The following EXOSC10 variants were observed in gnomAD, a reference collection of about 807,000 sequenced individuals.
EXOSC10 encodes exosome complex component 10.
EXOSC10 carries 94 observed loss-of-function variants against 126.6 expected under a neutral mutation model. The observed-to-expected ratio is 0.74, with a 90% CI of 0.63 to 0.88. EXOSC10 has a LOEUF of 0.88. Among genes scored for constraint, EXOSC10 ranks in the 40% least tolerant of loss-of-function variants. The pLI is 0.00. For missense variants in EXOSC10, 1,041 were observed against 1,100.5 expected (o/e 0.95, Z 0.77); for synonymous variants, 395 against 400.8 (o/e 0.99, Z 0.17).
chr1:11,085,550 A>G (rs1318713535), intron 9 of EXOSC10, among the ~76,000 whole-genome samples: 1 of 152,170 alleles, frequency 6.6e-6, no homozygotes, highest in Non-Finnish European at 1.5e-5. Context: ...TAGATATACA[A>G]TCATGTCATC....
At chr1:11,071,866 CCAA>C (rs33957776) in intron 20 of EXOSC10, 308,607 of 477,138 alleles carry the variant, frequency 0.65, 107,911 homozygotes, top group East Asian at 0.76. Flanking sequence ...TCTCCAACCA[CCAA>C]CGAGACAGCT....
rs1003800615 is a variant in EXOSC10, at chr1:11,082,615, C to G, written c.1280+73G>C. 39 of 1,582,490 alleles carry G rather than the reference C, an allele frequency of 2.5e-5. 1 individual carries two copies. The Admixed American group carries it at 6.5e-4, about 26-fold the overall frequency. ...AGCGTGGTAGGGCTCAAACCCAGGT[C>G]TCTCTGGACGACAGGTTAATGAATA... On this transcript the variant is annotated intron_variant, in intron 10 of 24. Coordinates refer to ENST00000376936, the MANE Select transcript of EXOSC10 (RefSeq NM_001001998.3).
Position 11,091,616 on chromosome 1 carries a change from C to T in EXOSC10, c.373-19G>A. On this transcript the variant is annotated intron_variant, in intron 3 of 24. Coordinates refer to ENST00000376936, the MANE Select transcript of EXOSC10 (RefSeq NM_001001998.3). Reference sequence around the variant, plus strand: ...AAATACCCTAAGAGTAGAAGAGGTACTGGTTAAGCATTTTTCCTTTTGAGG... The same window carrying T: ...AAATACCCTAAGAGTAGAAGAGGTATTGGTTAAGCATTTTTCCTTTTGAGG... 2 of 1,588,942 alleles carry T rather than the reference C, an allele frequency of 1.3e-6. No individual in the cohort carries two copies. Among genetic ancestry groups the T allele is most frequent in the Non-Finnish European group, 1.7e-6 (2 of 1,158,338 alleles).
chr1:11,083,743 C>T (rs1207944639), intron 9 of EXOSC10, among the ~76,000 whole-genome samples: 4 of 152,066 alleles, frequency 2.6e-5, no homozygotes, highest in Non-Finnish European at 5.9e-5. Flanking sequence ...CATCATCTAG[C>T]ATTAGGTATA....
At chr1:11,097,304 G>T (rs1641161934) in intron 2 of EXOSC10, among the ~76,000 whole-genome samples, 1 of 151,948 alleles carries the variant, frequency 6.6e-6, no homozygotes, top group African/African-American at 2.4e-5. Context: ...CTTGAACCTG[G>T]GAGGCGCAGG....
chr1:11,087,316 G>A lies in EXOSC10; in HGVS notation c.1089+132C>T. The A allele has an allele frequency of 9.3e-6, 10 of 1,077,364 alleles. No individual in the cohort carries two copies. In the South Asian group the frequency reaches 1.4e-4, roughly 16 times the overall value. 66.7% of individuals were successfully genotyped at this position (1,077,364 alleles called of 1,614,324 possible). A position where few individuals can be genotyped will look rare whatever the true frequency, so the allele number is the denominator to read the frequency against. On this transcript the variant is annotated intron_variant, in intron 9 of 24. Coordinates refer to ENST00000376936, the MANE Select transcript of EXOSC10 (RefSeq NM_001001998.3). ...TTAGAAACAAAAGCCATTTAGCACT[G>A]TACCCTAGTTAGGAAATGACATGAT...
At chr1:11,087,017 T>C (rs1248292378) in intron 9 of EXOSC10, among the ~76,000 whole-genome samples, 1 of 152,088 alleles carries the variant, frequency 6.6e-6, no homozygotes, top group South Asian at 2.1e-4. Context: ...TTCAAAAAAT[T>C]AATGAATCCA....
Position 11,098,120 on chromosome 1 carries a change from A to G in EXOSC10, c.148T>C (p.Ser50Pro). 2 of 1,612,604 alleles carry G rather than the reference A, an allele frequency of 1.2e-6. No homozygotes were observed. Among genetic ancestry groups the G allele is most frequent in the East Asian group, 2.2e-5 (1 of 44,836 alleles). The change falls in exon 2 of 25, where the codon TCT (serine) becomes CCT (proline). Residue 50 changes from serine to proline, a missense_variant. By Grantham distance (74) the Ser-to-Pro change is moderately conservative (BLOSUM62 -1). Transcript: ENST00000376936. ...LGSVVAVTKA[S>P]GGLPQFGDEY... ...TCGCCAAACTGTGGTAGGCCCCCAG[A>G]TGCCTTGGTGACTGCCACCACGGAC...
At chr1:11,084,213 A>C (rs1640359229) in intron 9 of EXOSC10, among the ~76,000 whole-genome samples, 1 of 152,240 alleles carries the variant, frequency 6.6e-6, no homozygotes, top group Non-Finnish European at 1.5e-5. Context: ...ACTGACTTCC[A>C]CAATGGTTGA....
At chr1:11,090,764 T>C in intron 5 of EXOSC10, 96 bp from the exon 6 acceptor site, 3 of 994,064 alleles carry the variant, frequency 3.0e-6, no homozygotes, top group Non-Finnish European at 4.4e-6. Flanking sequence ...TTTGGCTTTT[T>C]TTTTTGAGAC....
intron 9 of EXOSC10, among the ~76,000 whole-genome samples, chr1:11,083,416 G>C (rs947104317): frequency 2.6e-5 from 4 of 151,902 alleles, no homozygotes; most frequent in African/African-American, 9.7e-5. Context: ...ACAAAAATTA[G>C]CCGGGTGTGG....
rs926151318 is a variant in EXOSC10, at chr1:11,074,095, G to A, written c.2083-87C>T. 2.9e-5 allele frequency: 41 copies of A among 1,437,842 alleles called. No individual in the cohort carries two copies. In the Admixed American group the frequency reaches 6.1e-4, roughly 21 times the overall value. The allele number at this position is 1,437,842 out of a possible 1,614,324, so 89.1% of individuals were successfully genotyped here. On this transcript the variant is annotated intron_variant, in intron 18 of 24. Coordinates refer to ENST00000376936, the MANE Select transcript of EXOSC10 (RefSeq NM_001001998.3). The stretch of plus-strand genomic sequence containing the variant: ...GAAGCGCTCAGATGGGGGGTTGCTG[G>A]TGCCTTGTCAGCGTCTTTGCCAGGA...
At chr1:11,094,480 G>A (rs1640962510) in intron 3 of EXOSC10, among the ~76,000 whole-genome samples, 1 of 150,892 alleles carries the variant, frequency 6.6e-6, no homozygotes, top group East Asian at 2.0e-4. Flanking sequence ...ATTTTTAGTA[G>A]AGACAGTGTT....
rs1639542133 is a variant in EXOSC10 at position 11,072,169 on chromosome 1, G to C, written c.2160C>G (p.Ile720Met). ...KFDPSTKIYEISNRWKLAQVQ... is the reference protein window; with the variant it reads ...KFDPSTKIYEMSNRWKLAQVQ... ...CCTGGGCCAGCTTCCAGCGGTTGCT[G>C]ATCTATAATGAAAGCAAATATAACA... Residue 720 changes from isoleucine (I) to methionine (M), a missense_variant and splice_region_variant, in exon 20 of 25, where the codon ATC becomes ATG. Ile to Met is a conservative substitution (Grantham distance 10, BLOSUM62 1). Around this residue, in one of 3 missense-constraint regions of EXOSC10, gnomAD observed 388 missense variants for 415.2 expected, o/e 0.93. Coordinates refer to ENST00000376936, the MANE Select transcript of EXOSC10 (RefSeq NM_001001998.3). 3 of 1,606,956 alleles carry C rather than the reference G, an allele frequency of 1.9e-6. No homozygotes were observed. Among genetic ancestry groups the C allele is most frequent in the East Asian group, 2.2e-5 (1 of 44,840 alleles).
chr1:11,078,457 C>G (rs1639950652), intron 14 of EXOSC10, among the ~76,000 whole-genome samples: 1 of 151,932 alleles, frequency 6.6e-6, no homozygotes, highest in South Asian at 2.1e-4. Flanking sequence ...CGGGGTTTCA[C>G]CGTTTTAGCC....
At chr1:11,083,104 C>A (rs1263447009) in intron 9 of EXOSC10, among the ~76,000 whole-genome samples, 1 of 152,162 alleles carries the variant, frequency 6.6e-6, no homozygotes, top group Non-Finnish European at 1.5e-5. Context: ...CGTGCCACCA[C>A]GCCCAGCTAA....
rs756550367 is a variant in EXOSC10, at chr1:11,080,866, T to C, written c.1484A>G (p.Tyr495Cys). The change falls in exon 12 of 25, where the codon TAT becomes TGT. Residue 495 changes from tyrosine to cysteine, a missense_variant. Transcript: ENST00000376936. ...GTTAAGGTGCTTCTTCTGCTTCCTA[T>C]AGAGTTCAAGGTAGGACTCATCCGT... The part of the protein sequence containing the change: ...IFTDESYLEL[Y>C]RKQKKHLNTQ... The C allele has an allele frequency of 2.2e-5, 35 of 1,613,904 alleles. No individual in the cohort carries two copies. The Admixed American group carries it at 2.5e-4, about 12-fold the overall frequency.
intron 3 of EXOSC10, among the ~76,000 whole-genome samples, chr1:11,095,167 G>A (rs1295771754): frequency 7.2e-6 from 1 of 138,368 alleles, no homozygotes; most frequent in African/African-American, 2.8e-5. Context: ...AACCAACATC[G>A]CCCCACTGCA....
chr1:11,070,562 G>C (rs778795123), intron 21 of EXOSC10: 2 of 190,390 alleles, frequency 1.1e-5, no homozygotes, highest in Non-Finnish European at 2.1e-5. Context: ...GAGTGCTCTG[G>C]GGTTTCATTC....
Sources: gnomAD v4.1 joint callset for allele counts (sites outside exome capture counted in the v4.1 genomes callset) on GRCh38, gnomAD v4.1.1 for gene constraint, gnomAD v4.1.1 regional missense constraint, MANE v1.5 for transcripts, NCBI Gene and HGNC (gene_info 2026-07-23, HGNC 2026-07-21) for gene names.